The following ZNFX1 variants were observed in gnomAD, a reference collection of about 807,000 sequenced individuals.
The protein encoded by ZNFX1 is zinc finger NFX1-type containing 1, also known as NFX1-type zinc finger-containing protein 1.
ZNFX1 carries 78 observed loss-of-function variants against 179.8 expected under a neutral mutation model. The observed-to-expected ratio is 0.43, with a 90% CI of 0.36 to 0.52. The LOEUF is 0.52. Among genes scored for constraint, ZNFX1 ranks in the 20% least tolerant of loss-of-function variants. ZNFX1 has a pLI of 0.00. For synonymous variants in ZNFX1, 848 were observed against 868.5 expected, an observed-to-expected ratio of 0.98 and a Z score of 0.42; for missense variants, 1,927 against 2,386.6, an observed-to-expected ratio of 0.81 and a Z score of 4.01.
chr20:49,259,109 C>CAAAAAAAAAAA (rs1380256614), intron 7 of ZNFX1, among the ~76,000 whole-genome samples: 1 of 92,036 alleles, frequency 1.1e-5, no homozygotes, highest in Non-Finnish European at 2.6e-5. Flanking sequence ...GACTCAGTCT[C>CAAAAAAAAAAA]AAAAAAAAAT....
chr20:49,263,607 G>A, intron 5 of ZNFX1, 124 bp from the exon 6 acceptor site: 1 of 1,195,722 alleles, frequency 8.4e-7, no homozygotes, highest in South Asian at 1.5e-5. Flanking sequence ...TAAATAGACT[G>A]GTCAACAAAC....
intron 2 of ZNFX1, among the ~76,000 whole-genome samples, chr20:49,274,496 G>A (rs1320584431): frequency 2.0e-5 from 3 of 152,136 alleles, no homozygotes; most frequent in South Asian, 2.1e-4. Flanking sequence ...AGTGGCTCAC[G>A]CCTGTAATGC....
chr20:49,261,684 C>T (rs1446229545), intron 6 of ZNFX1, among the ~76,000 whole-genome samples: 4 of 149,622 alleles, frequency 2.7e-5, no homozygotes, highest in Admixed American at 2.0e-4. Context: ...CTTGCTCTGT[C>T]GCCCAGGCTG....
At position 49,257,671 on chromosome 20, in the gene ZNFX1, G is replaced by A. The variant is rs746353265; in HGVS notation, c.2417-7C>T. 14 of 1,612,030 alleles carry A rather than the reference G, an allele frequency of 8.7e-6. No homozygotes were observed. The South Asian group carries it at 1.3e-4, about 15-fold the overall frequency. On this transcript the variant is annotated splice_region_variant and splice_polypyrimidine_tract_variant and intron_variant, in intron 7 of 13. Coordinates refer to ENST00000396105, the MANE Select transcript of ZNFX1 (RefSeq NM_021035.3). ...TCATCCCCTTCTGCCTGGGCTAAGAGAGAGAAACAGGCAGGAGAGAGATGA... is the reference window on the plus strand; with the variant it reads ...TCATCCCCTTCTGCCTGGGCTAAGAAAGAGAAACAGGCAGGAGAGAGATGA...
Position 49,252,821 on chromosome 20 carries a change from T to C in ZNFX1, c.3115A>G (p.Ser1039Gly). ...TTGGCCAGATCATACACGTTGGCACTGGGGCGCAGCTGAGAAGAGAAACAT... is the reference window on the plus strand; with the variant it reads ...TTGGCCAGATCATACACGTTGGCACCGGGGCGCAGCTGAGAAGAGAAACAT... ...LIGDHQQLRP[S>G]ANVYDLAKNF... Residue 1039 changes from serine (S) to glycine (G), a missense_variant, in exon 12 of 14, where the codon AGT becomes GGT. By Grantham distance (56) the Ser-to-Gly change is moderately conservative. Coordinates refer to ENST00000396105, the MANE Select transcript of ZNFX1 (RefSeq NM_021035.3). 1.2e-6 allele frequency: 2 copies of C among 1,613,994 alleles called. No homozygotes were observed. Among genetic ancestry groups the C allele is most frequent in the Non-Finnish European group, 1.7e-6 (2 of 1,179,894 alleles).
At chr20:49,267,123 T>C (rs1219467189) in intron 3 of ZNFX1, among the ~76,000 whole-genome samples, 1 of 152,184 alleles carries the variant, frequency 6.6e-6, no homozygotes, top group Non-Finnish European at 1.5e-5. Context: ...TCTTGATCTC[T>C]TGACCCTTGT....
Position 49,247,513 on chromosome 20 carries a change from A to G in ZNFX1, c.5511T>C (p.Ser1837=). 1 of 1,614,168 alleles carries G rather than the reference A, an allele frequency of 6.2e-7. No homozygotes were observed. The highest frequency in any genetic ancestry group is 8.5e-7 in the Non-Finnish European group (1 of 1,180,034). ...ISEEERVQIV[S]AIGYPRGHWF... ...AGTGACCACGAGGATAACCTATGGCACTGACAATCTGCACTCGCTCTTCCT... is the reference window on the plus strand; with the variant it reads ...AGTGACCACGAGGATAACCTATGGCGCTGACAATCTGCACTCGCTCTTCCT... The change falls in exon 14 of 14, where the codon AGT becomes AGC. Residue 1837 remains serine, a synonymous_variant. Transcript: ENST00000396105.
In ZNFX1 at chr20:49,247,755, G is replaced by A. The variant is rs1600982449; in HGVS notation, c.5269C>T (p.Arg1757Ter). Reference sequence around the variant, plus strand: ...TATGTGAGCCTCTGGATTTCACTTCGGAGGTCACTTAGTTCCTGGCTAGTG... The same window carrying A: ...TATGTGAGCCTCTGGATTTCACTTCAGAGGTCACTTAGTTCCTGGCTAGTG... ...SFTSQELSDL[R>*]SEIQRLTYLV... The change falls in exon 14 of 14, where the codon CGA becomes TGA. Residue 1757 changes from arginine to a stop codon, truncating the protein, a stop_gained. Transcript: ENST00000396105. LOFTEE classifies it high-confidence loss of function. The A allele has an allele frequency of 6.2e-7, 1 of 1,614,060 alleles. No individual in the cohort carries two copies.
At chr20:49,263,244 A>G (rs1981156415) in intron 6 of ZNFX1, 90 bp downstream of exon 6, 1 of 1,456,622 alleles carries the variant, frequency 6.9e-7, no homozygotes, top group African/African-American at 1.4e-5. Context: ...ATTATCAAAC[A>G]GGTAAAGTTT....
chr20:49,252,798 G>A lies in ZNFX1; in HGVS notation c.3138C>T (p.Ala1046=). ...GGGACACCTCAAGGTTGAAGTTCTT[G>A]GCCAGATCATACACGTTGGCACTGG... ...LRPSANVYDL[A]KNFNLEVSLF... The change falls in exon 12 of 14, where the codon GCC becomes GCT. Residue 1046 remains alanine (A), a synonymous_variant. Transcript: ENST00000396105. 1.2e-6 allele frequency: 2 copies of A among 1,614,096 alleles called. No homozygotes were observed. Among genetic ancestry groups the A allele is most frequent in the Non-Finnish European group, 1.7e-6 (2 of 1,180,004 alleles).
In ZNFX1 at chr20:49,248,402, G is replaced by T; in HGVS notation, c.4622C>A (p.Thr1541Asn). The change falls in exon 14 of 14, where the codon ACT becomes AAT. Residue 1541 changes from threonine (T) to asparagine (N), a missense_variant. Physicochemically the swap from Thr to Asn is moderately conservative, Grantham distance 65. Transcript: ENST00000396105. The surrounding 1 kb of genome is among the most constrained non-coding windows in gnomAD (Gnocchi z 4.6). ...GGGGTGGCCACAAACTAGCAGCTTAGTACAAGGCACATAGCATGGGGGTCG... is the reference window on the plus strand; with the variant it reads ...GGGGTGGCCACAAACTAGCAGCTTATTACAAGGCACATAGCATGGGGGTCG... Reference protein sequence around the residue: ...CNRPPCYVPCTKLLVCGHPCI... With the variant: ...CNRPPCYVPCNKLLVCGHPCI... 1.2e-6 allele frequency: 2 copies of T among 1,610,362 alleles called. No homozygotes were observed. Among genetic ancestry groups the T allele is most frequent in the Non-Finnish European group, 1.7e-6 (2 of 1,177,646 alleles).
At chr20:49,253,398 CA>C (rs1980891760) in intron 11 of ZNFX1, among the ~76,000 whole-genome samples, 2 of 152,024 alleles carry the variant, frequency 1.3e-5, no homozygotes, top group African/African-American at 4.8e-5. Flanking sequence ...GACTGAGGAG[CA>C]TGCTATTACA....
chr20:49,248,195 T>C lies in ZNFX1; in HGVS notation c.4829A>G (p.Asp1610Gly), dbSNP rs759332908. The C allele has an allele frequency of 2.5e-6, 4 of 1,614,034 alleles. No individual in the cohort carries two copies. The highest frequency in any genetic ancestry group is 3.4e-6 in the Non-Finnish European group (4 of 1,180,038). The stretch of plus-strand genomic sequence containing the variant: ...GACTTTCAATCTGATGGCGACTTCA[T>C]CATCCTTCTGTTCATTCATGTAGCG... ...LDRYMNEQKD[D>G]EVAIRLKVCP... The change falls in exon 14 of 14, where the codon GAT (aspartate) becomes GGT (glycine). Residue 1610 changes from aspartate (D) to glycine (G), a missense_variant. Transcript: ENST00000396105. This position sits in a 1 kb window ranked among gnomAD's most constrained non-coding sequence, Gnocchi z 4.6.
chr20:49,270,585 T>C lies in ZNFX1; in HGVS notation c.1227A>G (p.Arg409=). Residue 409 remains arginine, a synonymous_variant, in exon 3 of 14, where the codon CGA becomes CGG. Transcript: ENST00000396105. The surrounding 1 kb of genome is among the most constrained non-coding windows in gnomAD (Gnocchi z 4.6). ...GLRKRKFDDI[R]IYFDTRIITP... is the part of the protein sequence containing the mutation. ...TGATAATCCTGGTGTCAAAGTAGATTCGGATGTCATCAAACTTTCTCTTCC... is the reference window on the plus strand; with the variant it reads ...TGATAATCCTGGTGTCAAAGTAGATCCGGATGTCATCAAACTTTCTCTTCC... The C allele has an allele frequency of 6.2e-7, 1 of 1,614,186 alleles. No homozygotes were observed. The highest frequency in any genetic ancestry group is 8.5e-7 in the Non-Finnish European group (1 of 1,180,024).
intron 2 of ZNFX1, among the ~76,000 whole-genome samples, chr20:49,272,369 G>T (rs1042155350): frequency 3.9e-5 from 6 of 151,976 alleles, no homozygotes; most frequent in Admixed American, 1.3e-4. Flanking sequence ...TAGAGATGGG[G>T]TTTCACCATC....
intron 2 of ZNFX1, among the ~76,000 whole-genome samples, chr20:49,273,495 C>CT (rs1981476659): frequency 1.3e-5 from 2 of 152,140 alleles, no homozygotes; most frequent in African/African-American, 4.8e-5. Flanking sequence ...CAACTGAACT[C>CT]TAAATTTTTA....
At chr20:49,254,389 A>G in intron 10 of ZNFX1, 106 bp downstream of exon 10, 1 of 1,404,972 alleles carries the variant, frequency 7.1e-7, no homozygotes, top group Non-Finnish European at 9.7e-7. Flanking sequence ...TTTTCATGGT[A>G]TTTTCCTCTA....
rs1263175100 is a variant in ZNFX1, at chr20:49,270,891, T to C, written c.921A>G (p.Glu307=). Residue 307 remains glutamate, a synonymous_variant, in exon 3 of 14, where the codon GAA becomes GAG. Transcript: ENST00000396105. The surrounding 1 kb of genome is among the most constrained non-coding windows in gnomAD (Gnocchi z 4.6). ...KVQTIIEHLQ[E]KRREGTLRVD... ...CTCTCAAAGTGCCCTCTCGCCTCTT[T>C]TCCTGCAGATGTTCAATGATAGTCT... The C allele has an allele frequency of 6.2e-7, 1 of 1,614,160 alleles. No individual in the cohort carries two copies. Among genetic ancestry groups the C allele is most frequent in the Admixed American group, 1.7e-5 (1 of 60,020 alleles).
Position 49,257,440 on chromosome 20 carries a change from C to G in ZNFX1, c.2641G>C (p.Glu881Gln), listed in dbSNP as rs1980995110. 1 of 1,614,134 alleles carries G rather than the reference C, an allele frequency of 6.2e-7. No individual in the cohort carries two copies. The highest frequency in any genetic ancestry group is 8.5e-7 in the Non-Finnish European group (1 of 1,180,028). Residue 881 changes from glutamate to glutamine, a missense_variant, in exon 8 of 14, where the codon GAG becomes CAG. Physicochemically the swap from Glu to Gln is conservative, Grantham distance 29. Transcript: ENST00000396105. Reference protein sequence around the residue: ...HCGTGTAAGQEQATGEWQTQR... With the variant: ...HCGTGTAAGQQQATGEWQTQR... ...ACCTGCCACTCTCCTGTGGCTTGCTCCTGTCCAGCTGCTGTCCCAGTGCCA... is the reference window on the plus strand; with the variant it reads ...ACCTGCCACTCTCCTGTGGCTTGCTGCTGTCCAGCTGCTGTCCCAGTGCCA...
Sources: gnomAD v4.1 joint callset for allele counts (sites outside exome capture counted in the v4.1 genomes callset) on GRCh38, gnomAD v4.1.1 for gene constraint, Gnocchi (gnomAD v3.1) non-coding constraint, MANE v1.5 for transcripts, NCBI Gene and HGNC (gene_info 2026-07-23, HGNC 2026-07-21) for gene names.